MAPK10: variants seen among roughly 807,000 people sequenced by gnomAD.
MAPK10 encodes the protein JNK3 alpha protein kinase.
MAPK10 carries 25 observed loss-of-function variants against 59.3 expected under a neutral mutation model. The ratio of observed to expected loss-of-function variants is 0.42; its 90% CI spans 0.31 to 0.59. The LOEUF is 0.59. Ranked by LOEUF, MAPK10 falls within the 20% of genes least tolerant of loss-of-function variation. MAPK10 has a pLI of 0.15. For synonymous variants in MAPK10, 190 were observed against 200.5 expected (o/e 0.95, Z 0.44); for missense variants, 351 against 568.9 (o/e 0.62, Z 3.90).
At chr4:86,519,894 A>C (rs566303949) in intron 1 of MAPK10, among the ~76,000 whole-genome samples, 79 of 152,298 alleles carry the variant, frequency 5.2e-4, no homozygotes, top group African/African-American at 1.7e-3. Context: ...AGCTGGATAC[A>C]AAATTCCTAG....
chr4:86,260,069 G>A (rs980894195), intron 2 of MAPK10, among the ~76,000 whole-genome samples: 2 of 152,008 alleles, frequency 1.3e-5, no homozygotes, highest in Non-Finnish European at 2.9e-5. Flanking sequence ...TCTTCTAAGA[G>A]TTTTGCATTT....
At chr4:86,575,895 A>G (rs1435884903) in intron 1 of MAPK10, among the ~76,000 whole-genome samples, 2 of 151,890 alleles carry the variant, frequency 1.3e-5, no homozygotes, top group East Asian at 3.9e-4. Flanking sequence ...CAATAAACAG[A>G]AAAAAATAGC....
At chr4:86,559,596 A>C (rs1014430265) in intron 1 of MAPK10, among the ~76,000 whole-genome samples, 1 of 152,196 alleles carries the variant, frequency 6.6e-6, no homozygotes, top group Non-Finnish European at 1.5e-5. Flanking sequence ...ATATACCTTC[A>C]GTTTTCAAAC....
intron 2 of MAPK10, among the ~76,000 whole-genome samples, chr4:86,197,070 A>G (rs989369903): frequency 1.3e-5 from 2 of 152,120 alleles, no homozygotes; most frequent in Non-Finnish European, 2.9e-5. Context: ...TATGAAATTT[A>G]AAGTAGTTTT....
At chr4:86,273,997 T>G (rs2094502956) in intron 2 of MAPK10, among the ~76,000 whole-genome samples, 1 of 152,040 alleles carries the variant, frequency 6.6e-6, no homozygotes, top group Non-Finnish European at 1.5e-5. Context: ...TAAAATGGAT[T>G]TTATTGATTT....
chr4:86,393,405 T>C (rs1295339449), intron 1 of MAPK10, among the ~76,000 whole-genome samples: 2 of 152,102 alleles, frequency 1.3e-5, no homozygotes, highest in Non-Finnish European at 2.9e-5. Context: ...TCAAGAAACT[T>C]GATTATACAT....
chr4:86,073,285 T>C (rs1269394917), intron 9 of MAPK10, among the ~76,000 whole-genome samples: 4 of 150,334 alleles, frequency 2.7e-5, no homozygotes, highest in Admixed American at 6.6e-5. Context: ...CTTCTCTCTT[T>C]TTTTCTTTAT....
At chr4:86,463,360 G>A (rs1751913854) in intron 1 of MAPK10, among the ~76,000 whole-genome samples, 1 of 152,212 alleles carries the variant, frequency 6.6e-6, no homozygotes, top group South Asian at 2.1e-4. Flanking sequence ...TCATTGGAAA[G>A]TGTTGCCATA....
chr4:86,127,271 T>C (rs141017565), intron 4 of MAPK10, among the ~76,000 whole-genome samples: 50 of 151,144 alleles, frequency 3.3e-4, no homozygotes, highest in African/African-American at 1.2e-3. Context: ...ACCATATCTG[T>C]ATTGCTCACT....
At chr4:86,029,927 C>T (rs915378082) in intron 12 of MAPK10, among the ~76,000 whole-genome samples, 8 of 151,944 alleles carry the variant, frequency 5.3e-5, no homozygotes, top group Non-Finnish European at 7.4e-5. Flanking sequence ...TTTTGGCTTT[C>T]TGAATGCTAG....
intron 1 of MAPK10, among the ~76,000 whole-genome samples, chr4:86,378,633 TTGGTGA>T (rs1740188385): frequency 6.6e-6 from 1 of 152,204 alleles, no homozygotes; most frequent in East Asian, 1.9e-4. Context: ...ATGTAAAAAT[TTGGTGA>T]ATGATTGAAT....
At chr4:86,140,524 G>A (rs1490860915) in intron 4 of MAPK10, among the ~76,000 whole-genome samples, 1 of 125,846 alleles carries the variant, frequency 7.9e-6, no homozygotes, top group African/African-American at 3.3e-5. Context: ...CACACTCTGG[G>A]GACTATTGTG....
chr4:86,031,485 A>G (rs2039005101), intron 11 of MAPK10, 54 bp from the exon 12 acceptor site: 1 of 1,247,716 alleles, frequency 8.0e-7, no homozygotes, highest in African/African-American at 1.5e-5. Context: ...ACATAACTAA[A>G]CTCTTACAAT....
chr4:86,310,438 G>A (rs937274649), intron 2 of MAPK10, among the ~76,000 whole-genome samples: 1 of 152,112 alleles, frequency 6.6e-6, no homozygotes, highest in Admixed American at 6.6e-5. Context: ...TGAAAATACA[G>A]AGAATATATT....
intron 2 of MAPK10, among the ~76,000 whole-genome samples, chr4:86,316,842 G>A (rs141332119): frequency 1.8e-4 from 27 of 152,178 alleles, no homozygotes; most frequent in African/African-American, 6.3e-4. Context: ...CGGCATTAGC[G>A]GCAGCCAGTT....
At chr4:86,246,387 C>A (rs1456528974) in intron 2 of MAPK10, among the ~76,000 whole-genome samples, 1 of 152,118 alleles carries the variant, frequency 6.6e-6, no homozygotes, top group Admixed American at 6.5e-5. Context: ...GCCAAGATTG[C>A]GCCACTGCAC....
At chr4:86,462,258 T>C (rs1486499168) in intron 1 of MAPK10, among the ~76,000 whole-genome samples, 1 of 152,190 alleles carries the variant, frequency 6.6e-6, no homozygotes, top group East Asian at 1.9e-4. Context: ...GGGGTACAAG[T>C]ACAAAGAGGA....
intron 4 of MAPK10, among the ~76,000 whole-genome samples, chr4:86,147,118 G>A (rs983969709): frequency 2.0e-5 from 3 of 150,034 alleles, no homozygotes; most frequent in Non-Finnish European, 3.0e-5. Flanking sequence ...ACAGTGTCTC[G>A]CTCTGTCAGC....
chr4:86,199,744 A>C (rs1000395673), intron 2 of MAPK10, among the ~76,000 whole-genome samples: 4 of 152,058 alleles, frequency 2.6e-5, no homozygotes, highest in Non-Finnish European at 5.9e-5. Context: ...TATGTCTGAA[A>C]TATTTTACAG....
Sources: allele counts gnomAD v4.1 joint callset (sites outside exome capture counted in the v4.1 genomes callset), GRCh38; gene constraint gnomAD v4.1.1; transcripts MANE v1.5; gene names NCBI Gene and HGNC (gene_info 2026-07-23, HGNC 2026-07-21).